The following DSCAM variants were observed in gnomAD, a reference collection of about 807,000 sequenced individuals.
DSCAM encodes the protein DS cell adhesion molecule.
Under a neutral mutation model 217.7 loss-of-function variants are expected in DSCAM, and 47 were observed. The observed-to-expected ratio is 0.22, with a 90% confidence interval of 0.17 to 0.28. The LOEUF is 0.28. Ranked by LOEUF, DSCAM falls within the 10% of genes least tolerant of loss-of-function variation. The pLI is 1.00. For synonymous variants in DSCAM, 1,056 were observed against 1,015.3 expected, an observed-to-expected ratio of 1.04 and a Z score of -0.76; for missense variants, 2,080 against 2,618.3, an observed-to-expected ratio of 0.79 and a Z score of 4.49.
intron 3 of DSCAM, among the ~76,000 whole-genome samples, chr21:40,462,363 T>C (rs1382519288): frequency 1.3e-5 from 2 of 152,138 alleles, no homozygotes; most frequent in Non-Finnish European, 2.9e-5. Flanking sequence ...ATAAAAATCT[T>C]AGAGCCATGG....
chr21:40,465,069 T>C (rs1484257710), intron 3 of DSCAM, among the ~76,000 whole-genome samples: 2 of 152,106 alleles, frequency 1.3e-5, no homozygotes, highest in Non-Finnish European at 2.9e-5. Context: ...GTAAATAAAA[T>C]TGTTTTCGTC....
chr21:40,539,072 T>G (rs1193017284), intron 3 of DSCAM, among the ~76,000 whole-genome samples: 1 of 152,162 alleles, frequency 6.6e-6, no homozygotes, highest in Non-Finnish European at 1.5e-5. Flanking sequence ...CAGTGATTAC[T>G]TAAGGGAGTC....
At chr21:40,176,511 C>T (rs2090733480) in intron 15 of DSCAM, among the ~76,000 whole-genome samples, 2 of 152,180 alleles carry the variant, frequency 1.3e-5, no homozygotes, top group Admixed American at 6.5e-5. Flanking sequence ...GCAGTGTCTA[C>T]AGCCCCTGCT....
At chr21:40,245,832 T>A (rs962058573) in intron 11 of DSCAM, among the ~76,000 whole-genome samples, 2 of 152,148 alleles carry the variant, frequency 1.3e-5, no homozygotes, top group Non-Finnish European at 2.9e-5. Flanking sequence ...GGAACGGGGA[T>A]GGTAGATTGC....
At chr21:40,207,529 T>C (rs1475081544) in intron 11 of DSCAM, among the ~76,000 whole-genome samples, 1 of 152,242 alleles carries the variant, frequency 6.6e-6, no homozygotes, top group Non-Finnish European at 1.5e-5. Context: ...GCATAGTTTA[T>C]GTATAAGGAT....
chr21:40,158,543 A>G (rs2090504867), intron 16 of DSCAM, among the ~76,000 whole-genome samples: 1 of 152,220 alleles, frequency 6.6e-6, no homozygotes, highest in Non-Finnish European at 1.5e-5. Flanking sequence ...GTTGAGGGGA[A>G]ATACTCCACA....
intron 1 of DSCAM, among the ~76,000 whole-genome samples, chr21:40,792,137 CTT>C (rs67838146): frequency 5.1e-5 from 6 of 118,590 alleles, no homozygotes; most frequent in Non-Finnish European, 6.6e-5. Flanking sequence ...TCTTCTTCTT[CTT>C]TTTTTTTTTT....
chr21:40,618,185 T>A (rs2089430289), intron 3 of DSCAM, among the ~76,000 whole-genome samples: 1 of 152,082 alleles, frequency 6.6e-6, no homozygotes, highest in African/African-American at 2.4e-5. Flanking sequence ...TTAGTACACA[T>A]GAAATCAACA....
At chr21:40,055,250 G>C (rs376026067) in intron 29 of DSCAM, among the ~76,000 whole-genome samples, 18 of 152,302 alleles carry the variant, frequency 1.2e-4, no homozygotes, top group African/African-American at 4.3e-4. Context: ...AAGATACCCT[G>C]TACAAAGACA....
chr21:40,499,978 A>T (rs2146033973), intron 3 of DSCAM, among the ~76,000 whole-genome samples: 1 of 152,108 alleles, frequency 6.6e-6, no homozygotes, highest in African/African-American at 2.4e-5. Context: ...ACAGGGTTTC[A>T]CCATGTTGGC....
intron 3 of DSCAM, among the ~76,000 whole-genome samples, chr21:40,579,864 G>A (rs60402431): frequency 0.027 from 4,071 of 152,080 alleles, 158 homozygotes; most frequent in African/African-American, 0.093. Context: ...GGTACTAAGA[G>A]GGTGTCACAC....
intron 10 of DSCAM, among the ~76,000 whole-genome samples, chr21:40,277,380 A>T (rs1246069492): frequency 6.6e-6 from 1 of 152,176 alleles, no homozygotes; most frequent in Non-Finnish European, 1.5e-5. Context: ...TGCTGTCTCC[A>T]TACCCTAATG....
At position 40,183,100 on chromosome 21, in the gene DSCAM, G is replaced by A. The variant is rs1339043368; in HGVS notation, c.2780-4006C>T. ...GCTACCAGAGAAACCGTGGACGGGG[G>A]GGGTTACCAGAGAAACCGTGGACAG... On this transcript the variant is annotated intron_variant, in intron 14 of 32. Transcript: ENST00000400454. 6.7e-5 allele frequency among the ~76,000 whole-genome samples: 9 copies of A among 135,078 alleles called. 2 individuals are homozygous for A. Among genetic ancestry groups the A allele is most frequent in the African/African-American group, 2.7e-4 (9 of 33,796 alleles). The allele number at this position is 135,078 out of a possible 152,430, so 88.6% of individuals were successfully genotyped here. A position where few individuals can be genotyped will look rare whatever the true frequency, so the allele number is the denominator to read the frequency against.
At chr21:40,392,237 T>C (rs2075140240) in intron 3 of DSCAM, among the ~76,000 whole-genome samples, 2 of 152,180 alleles carry the variant, frequency 1.3e-5, no homozygotes, top group East Asian at 3.9e-4. Flanking sequence ...TTAATGCCTA[T>C]AAGTGATATT....
chr21:40,843,367 CATGTGTGTGTGT>C (rs954266878), intron 1 of DSCAM, among the ~76,000 whole-genome samples: 20 of 104,354 alleles, frequency 1.9e-4, no homozygotes, highest in Non-Finnish European at 3.3e-4. Flanking sequence ...GGAATGCATG[CATGTGTGTGTGT>C]GTGTGTGTGT....
rs143602045 is a variant in DSCAM at position 40,423,162 on chromosome 21, T to C, written c.509-53917A>G. ...TAGAAGGTATCGCCTGGGTAATTTA[T>C]GTACCCTCTTCTGACTTTGCCAGGC... On this transcript the variant is annotated intron_variant, in intron 3 of 32. Coordinates refer to ENST00000400454, the MANE Select transcript of DSCAM (RefSeq NM_001389.5). Among the ~76,000 whole-genome samples, 61 of 152,332 alleles carry C rather than the reference T, an allele frequency of 4.0e-4. No individual in the cohort carries two copies. The East Asian group carries it at 0.011, about 27-fold the overall frequency.
At chr21:40,137,637 ACACACACATT>A (rs1394473153) in intron 18 of DSCAM, among the ~76,000 whole-genome samples, 1 of 136,952 alleles carries the variant, frequency 7.3e-6, no homozygotes, top group African/African-American at 3.0e-5. Flanking sequence ...ACACACACAC[ACACACACATT>A]AACTGAAGTG....
At chr21:40,605,791 C>CTTTTTTTTTTTTTTTTTTT (rs755767800) in intron 3 of DSCAM, among the ~76,000 whole-genome samples, 1 of 61,994 alleles carries the variant, frequency 1.6e-5, no homozygotes, top group African/African-American at 6.3e-5. Context: ...AATGCACATT[C>CTTTTTTTTTTTTTTTTTTT]TTTTTTTTTT....
intron 8 of DSCAM, among the ~76,000 whole-genome samples, chr21:40,328,177 A>G (rs116422387): frequency 0.011 from 1,730 of 152,236 alleles, 31 homozygotes; most frequent in African/African-American, 0.039. Context: ...AAAGAGCCAG[A>G]ATAGCCAAAA....
Sources: allele counts gnomAD v4.1 joint callset (sites outside exome capture counted in the v4.1 genomes callset), GRCh38; gene constraint gnomAD v4.1.1; transcripts MANE v1.5; gene names NCBI Gene and HGNC (gene_info 2026-07-23, HGNC 2026-07-21).